The following PPP6R2 variants were observed in gnomAD, a reference collection of about 807,000 sequenced individuals.
PPP6R2 encodes the protein serine/threonine-protein phosphatase 6 regulatory subunit 2.
Under a neutral mutation model 100.2 loss-of-function variants are expected in PPP6R2, and 62 were observed. The ratio of observed to expected loss-of-function variants is 0.62; its 90% CI spans 0.50 to 0.76. PPP6R2 has a LOEUF of 0.76. Among genes scored for constraint, PPP6R2 ranks in the 30% least tolerant of loss-of-function variants. The probability of loss-of-function intolerance (pLI) is 0.00; values close to 1 mark genes in which losing one functional copy is unlikely to be tolerated. For synonymous variants in PPP6R2, 525 were observed against 514.7 expected, an observed-to-expected ratio of 1.02 and a Z score of -0.27; for missense variants, 1,142 against 1,276.3, an observed-to-expected ratio of 0.89 and a Z score of 1.60.
intron 3 of PPP6R2, 70 bp downstream of exon 3, chr22:50,394,205 G>C: frequency 6.3e-7 from 1 of 1,582,340 alleles, no homozygotes; most frequent in Non-Finnish European, 8.6e-7. Flanking sequence ...CAGTGTCTGA[G>C]GATGGCCATA....
intron 8 of PPP6R2, among the ~76,000 whole-genome samples, chr22:50,421,368 T>C (rs1215190915): frequency 6.6e-6 from 1 of 152,108 alleles, no homozygotes; most frequent in Admixed American, 6.6e-5. Flanking sequence ...TTTCAGACAG[T>C]GTCTTGCTCT....
intron 8 of PPP6R2, 84 bp from the exon 9 acceptor site, chr22:50,422,170 G>A (rs1378935818): frequency 6.5e-7 from 1 of 1,529,422 alleles, no homozygotes; most frequent in East Asian, 2.3e-5. Context: ...GGCTCTTTCT[G>A]GAAGAAGCGG....
In PPP6R2 at chr22:50,419,360, T is replaced by C. The variant is rs775809370; in HGVS notation, c.743T>C (p.Val248Ala). The C allele has an allele frequency of 1.9e-6, 3 of 1,613,998 alleles. No homozygotes were observed. Residue 248 changes from valine to alanine, a missense_variant, in exon 8 of 24, where the codon GTG becomes GCG. Val to Ala is a moderately conservative substitution (Grantham distance 64). Coordinates refer to ENST00000612753, the MANE Select transcript of PPP6R2 (RefSeq NM_001242898.2). ...TGTGTGTCCAGCAGGCAGGACTGTG[T>C]GGAGCAGCTTCTGAAGAACATGTTT... is the stretch of plus-strand genomic sequence containing the variant. ...LLTALESQDC[V>A]EQLLKNMFDG... is the part of the protein sequence containing the mutation.
At chr22:50,336,825 G>A in the PPP6R2 span, among the ~76,000 whole-genome samples, 1 of 151,596 alleles carries the variant, frequency 6.6e-6, no homozygotes, top group Non-Finnish European at 1.5e-5. Context: ...TCCCACCTCA[G>A]CCTCCAGAGT....
chr22:50,406,147 G>T (rs945730622), intron 3 of PPP6R2, among the ~76,000 whole-genome samples: 1 of 124,324 alleles, frequency 8.0e-6, no homozygotes, highest in Non-Finnish European at 1.6e-5. Flanking sequence ...GGAGAGAGGC[G>T]AGAGGCCTGG....
rs545956546 is a variant in PPP6R2, at chr22:50,424,485, G to A, written c.1125+871G>A. On this transcript the variant is annotated intron_variant, in intron 10 of 23. Transcript: ENST00000612753. ...GCGTGTGGAAGGTCCGTCCGCGTGT[G>A]GAACGTCTGTCAGCGTGTGGAAGGT... Among the ~76,000 whole-genome samples, 4 of 149,842 alleles carry A rather than the reference G, an allele frequency of 2.7e-5. No homozygotes were observed. In the East Asian group the frequency reaches 6.0e-4, roughly 22 times the overall value.
chr22:50,407,008 G>C, intron 4 of PPP6R2, 133 bp downstream of exon 4: 5 of 906,864 alleles, frequency 5.5e-6, no homozygotes. Flanking sequence ...TGCGCAACAC[G>C]TGGAGCAGTG....
chr22:50,422,217 G>A (rs774014789), intron 8 of PPP6R2, 37 bp from the exon 9 acceptor site: 20 of 1,603,842 alleles, frequency 1.2e-5, no homozygotes, highest in Non-Finnish European at 1.6e-5. Context: ...ACAGGGTCCT[G>A]GTGTCCCCGG....
chr22:50,365,014 A>G (rs574172102), intron 1 of PPP6R2, among the ~76,000 whole-genome samples: 8 of 151,286 alleles, frequency 5.3e-5, no homozygotes, highest in Admixed American at 5.3e-4. Context: ...GGGTCTTTGT[A>G]TATCTTCCAT....
chr22:50,332,702 C>T, the PPP6R2 span, among the ~76,000 whole-genome samples: 4 of 150,666 alleles, frequency 2.7e-5, no homozygotes, highest in East Asian at 3.9e-4. Flanking sequence ...TGGCTCACTG[C>T]AGCCTCCACC....
chr22:50,339,687 TGTGATTG>T (rs2042347480), upstream of PPP6R2, among the ~76,000 whole-genome samples: 1 of 135,068 alleles, frequency 7.4e-6, no homozygotes, highest in Non-Finnish European at 1.6e-5. Context: ...TTGTGTGTGG[TGTGATTG>T]GTGTGTAGTG....
At position 50,419,039 on chromosome 22, in the gene PPP6R2, G is replaced by A. The variant is rs148811019; in HGVS notation, c.731+60G>A. 9.0e-4 allele frequency: 1,215 copies of A among 1,352,622 alleles called. 8 individuals carry two copies. In the African/African-American group the frequency reaches 0.015, roughly 16 times the overall value. The allele number at this position is 1,352,622 out of a possible 1,614,324, so 83.8% of individuals were successfully genotyped here. ...CCCTTTCTGGGTCATGGGGACGTCTGTGAGCCTTGCTCTGAGCACCAGGAT... is the reference window on the plus strand; with the variant it reads ...CCCTTTCTGGGTCATGGGGACGTCTATGAGCCTTGCTCTGAGCACCAGGAT... On this transcript the variant is annotated intron_variant, in intron 7 of 23. Coordinates refer to ENST00000612753, the MANE Select transcript of PPP6R2 (RefSeq NM_001242898.2).
intron 9 of PPP6R2, 133 bp downstream of exon 9, chr22:50,422,513 C>T (rs998697672): frequency 2.4e-5 from 29 of 1,216,912 alleles, no homozygotes; most frequent in Non-Finnish European, 2.8e-5. Flanking sequence ...CGGCCATTCC[C>T]ACACCCCCAC....
At position 50,384,035 on chromosome 22, in the gene PPP6R2, C is replaced by CA. The variant is rs547396966; in HGVS notation, c.-16-9839dup. 5.1e-3 allele frequency among the ~76,000 whole-genome samples: 383 copies of CA among 75,644 alleles called. 5 individuals carry two copies. Among genetic ancestry groups the CA allele is most frequent in the Middle Eastern group, 6.8e-3 (1 of 148 alleles). The allele number at this position is 75,644 out of a possible 152,430, so 49.6% of individuals were successfully genotyped here. On this transcript the variant is annotated intron_variant, in intron 2 of 23. Transcript: ENST00000612753. The stretch of plus-strand genomic sequence containing the variant: ...TGGGCGGCTGAGCGAGACTCCATCT[C>CA]AAAAAAAAAAAAAAAAAAAGAAGGA...
chr22:50,440,649 A>G (rs575622149), intron 21 of PPP6R2, among the ~76,000 whole-genome samples, 173 bp from the exon 22 acceptor site: 42 of 152,298 alleles, frequency 2.8e-4, no homozygotes, highest in Non-Finnish European at 5.0e-4. Context: ...TGGAGACCCC[A>G]TGGCAGGTGC....
chr22:50,356,569 T>C (rs1486905255), intron 1 of PPP6R2, among the ~76,000 whole-genome samples: 2 of 152,172 alleles, frequency 1.3e-5, no homozygotes, highest in Non-Finnish European at 2.9e-5. Flanking sequence ...ACATATGTTA[T>C]TTCTTTTGAG....
At chr22:50,429,483 A>C (rs757726822) in intron 10 of PPP6R2, among the ~76,000 whole-genome samples, 5 of 152,188 alleles carry the variant, frequency 3.3e-5, no homozygotes, top group Admixed American at 6.5e-5. Context: ...CTGGTATATA[A>C]TTCTTTTGAT....
chr22:50,370,211 T>A (rs2049749179), intron 1 of PPP6R2, among the ~76,000 whole-genome samples: 2 of 152,216 alleles, frequency 1.3e-5, no homozygotes, highest in African/African-American at 4.8e-5. Context: ...TCATGTTAAA[T>A]TTAGAATGTT....
the PPP6R2 span, among the ~76,000 whole-genome samples, chr22:50,332,331 C>T: frequency 6.6e-6 from 1 of 151,394 alleles, no homozygotes; most frequent in African/African-American, 2.4e-5. Context: ...AGGTTCACCC[C>T]CCCATTCTTC....
Sources: allele counts gnomAD v4.1 joint callset (sites outside exome capture counted in the v4.1 genomes callset), GRCh38; gene constraint gnomAD v4.1.1; transcripts MANE v1.5; gene names NCBI Gene and HGNC (gene_info 2026-07-23, HGNC 2026-07-21).